SI: variants seen among roughly 807,000 people sequenced by gnomAD.
SI encodes the protein sucrase-isomaltase, also known as sucrase-isomaltase, intestinal.
In SI, 235 loss-of-function variants were observed where a neutral mutation model predicts 253.3. The observed-to-expected ratio is 0.93, with a 90% CI of 0.83 to 1.03. SI has a LOEUF of 1.03. SI is among the 50% of genes least tolerant of loss of function. SI has a pLI of 0.00. For missense variants in SI, 2,442 were observed against 2,211.1 expected (o/e 1.10, Z -2.09); for synonymous variants, 819 against 712.0 (o/e 1.15, Z -2.39).
chr3:165,017,883 C>T lies in SI; in HGVS notation c.3521-10G>A. ...GGCTGGAATGTAACATCTGGAAATCCAAAATAACATCCCATTTTCATCTAT... is the reference window on the plus strand; with the variant it reads ...GGCTGGAATGTAACATCTGGAAATCTAAAATAACATCCCATTTTCATCTAT... On this transcript the variant is annotated splice_polypyrimidine_tract_variant and intron_variant, in intron 29 of 47. Transcript: ENST00000264382. 1 of 1,600,398 alleles carries T rather than the reference C, an allele frequency of 6.2e-7. No homozygotes were observed. The highest frequency in any genetic ancestry group is 8.6e-7 in the Non-Finnish European group (1 of 1,168,134).
At chr3:165,035,752 T>C (rs1480678021) in intron 22 of SI, among the ~76,000 whole-genome samples, 1 of 151,480 alleles carries the variant, frequency 6.6e-6, no homozygotes, top group Non-Finnish European at 1.5e-5. Flanking sequence ...AACGAGATTT[T>C]TCTAAAAAGT....
At chr3:165,053,781 A>G (rs1283916952) in intron 13 of SI, among the ~76,000 whole-genome samples, 1 of 152,070 alleles carries the variant, frequency 6.6e-6, no homozygotes, top group Admixed American at 6.6e-5. Flanking sequence ...TTGTAACTTT[A>G]CCGTAATCAA....
At chr3:165,084,066 T>C in the SI span, among the ~76,000 whole-genome samples, 1 of 151,994 alleles carries the variant, frequency 6.6e-6, no homozygotes, top group Non-Finnish European at 1.5e-5. Context: ...CTATTAGGAA[T>C]TAGGGCTTTT....
At chr3:165,015,670 C>T (rs2108171700) in intron 32 of SI, among the ~76,000 whole-genome samples, 1 of 152,068 alleles carries the variant, frequency 6.6e-6, no homozygotes, top group South Asian at 2.1e-4. Flanking sequence ...TTTGATAACT[C>T]CCATAAATAG....
chr3:165,027,486 G>A (rs1711990106), intron 25 of SI, among the ~76,000 whole-genome samples: 1 of 151,142 alleles, frequency 6.6e-6, no homozygotes, highest in South Asian at 2.1e-4. Flanking sequence ...CCAAAACCAG[G>A]AAAGGACATA....
chr3:165,037,756 T>C, intron 21 of SI, 144 bp downstream of exon 21: 1 of 515,660 alleles, frequency 1.9e-6, no homozygotes, highest in East Asian at 3.1e-5. Flanking sequence ...TTTATAGCTA[T>C]GATGGTTATA....
chr3:165,059,280 A>T lies in SI; in HGVS notation c.1166T>A (p.Ile389Asn), dbSNP rs150428844. 4.4e-5 allele frequency: 71 copies of T among 1,612,430 alleles called. No individual in the cohort carries two copies. The highest frequency in any genetic ancestry group is 1.3e-5 in the African/African-American group (1 of 74,848). The change falls in exon 11 of 48, where the codon ATT (isoleucine) becomes AAT (asparagine). Residue 389 changes from isoleucine (I) to asparagine (N), a missense_variant. Ile to Asn is a moderately radical substitution (Grantham distance 149). Transcript: ENST00000264382. ...GTCTTTCTTGTCTTCCATGTAGTCAATATCAGTGACCTGTGTATCCTGAAA... is the reference window on the plus strand; with the variant it reads ...GTCTTTCTTGTCTTCCATGTAGTCATTATCAGTGACCTGTGTATCCTGAAA... The part of the protein sequence containing the change: ...GIPFDTQVTD[I>N]DYMEDKKDFT...
intron 9 of SI, 57 bp from the exon 10 acceptor site, chr3:165,060,084 A>ACCTTGGTTATTAATGC: frequency 6.7e-7 from 1 of 1,490,026 alleles, no homozygotes; most frequent in Non-Finnish European, 9.3e-7. Context: ...TTTAGCATTA[A>ACCTTGGTTATTAATGC]TAACCAAGGT....
intron 13 of SI, among the ~76,000 whole-genome samples, chr3:165,054,466 G>A (rs1322851712): frequency 6.6e-6 from 1 of 151,840 alleles, no homozygotes; most frequent in Admixed American, 6.6e-5. Context: ...TCCACCTCCC[G>A]GGTTCAAGCA....
Position 164,996,640 on chromosome 3 carries a change from G to A in SI, c.4587C>T (p.Asp1529=). ...SLFGMSYTGA[D]ICGFFNNSEY... Reference sequence around the variant, plus strand: ...CTGAGTTGTTGAAAAAACCACAGATGTCTGCTCCAGTCTAAAATATATTGT... The same window carrying A: ...CTGAGTTGTTGAAAAAACCACAGATATCTGCTCCAGTCTAAAATATATTGT... The change falls in exon 40 of 48, where the codon GAC becomes GAT. Residue 1529 remains aspartate (D), a synonymous_variant. Coordinates refer to ENST00000264382, the MANE Select transcript of SI (RefSeq NM_001041.4). 2 of 1,566,594 alleles carry A rather than the reference G, an allele frequency of 1.3e-6. No homozygotes were observed. The highest frequency in any genetic ancestry group is 1.4e-5 in the African/African-American group (1 of 73,914).
chr3:165,025,684 C>T (rs748755024), intron 25 of SI, among the ~76,000 whole-genome samples: 7 of 151,306 alleles, frequency 4.6e-5, no homozygotes, highest in Non-Finnish European at 1.0e-4. Flanking sequence ...GCGCTGTCTT[C>T]AGCCTCCTTA....
chr3:165,038,226 TA>T (rs1490228289), intron 20 of SI, among the ~76,000 whole-genome samples: 1 of 151,754 alleles, frequency 6.6e-6, no homozygotes. Flanking sequence ...TTCTCAAAAA[TA>T]AAAAAATCAA....
intron 36 of SI, 128 bp downstream of exon 36, chr3:165,007,781 TTA>T: frequency 3.6e-6 from 1 of 277,512 alleles, no homozygotes; most frequent in Non-Finnish European, 6.6e-6. Flanking sequence ...AACTGATTTT[TTA>T]TATATACATA....
At chr3:165,041,306 A>C (rs1190596904) in intron 17 of SI, among the ~76,000 whole-genome samples, 3 of 152,136 alleles carry the variant, frequency 2.0e-5, no homozygotes, top group African/African-American at 4.8e-5. Flanking sequence ...TGAAGTGGAC[A>C]TTTCAACATA....
intron 3 of SI, among the ~76,000 whole-genome samples, chr3:165,073,522 A>T (rs529101363): frequency 1.3e-5 from 2 of 152,062 alleles, no homozygotes; most frequent in Non-Finnish European, 2.9e-5. Context: ...TGTAGGGAAG[A>T]CAGAATAGGG....
chr3:165,056,538 C>T (rs149434762), intron 12 of SI, among the ~76,000 whole-genome samples: 2 of 152,242 alleles, frequency 1.3e-5, no homozygotes, highest in African/African-American at 4.8e-5. Context: ...GGATTGCATA[C>T]ACCACCCCTC....
At chr3:165,060,736 T>G (rs1713942853) in intron 9 of SI, among the ~76,000 whole-genome samples, 1 of 150,058 alleles carries the variant, frequency 6.7e-6, no homozygotes, top group African/African-American at 2.4e-5. Context: ...GTGTTTTTTT[T>G]TTCACCAGTT....
rs776450537 is a variant in SI at position 165,059,901 on chromosome 3, C to A, written c.1146+1G>T. On this transcript the variant is annotated splice_donor_variant, in intron 10 of 47. Transcript: ENST00000264382. LOFTEE classifies it high-confidence loss of function. ...TCCCACGGACCCTTTATTCTACTTACAAATGGTATGCCAGCTTCCCGGTTT... is the reference window on the plus strand; with the variant it reads ...TCCCACGGACCCTTTATTCTACTTAAAAATGGTATGCCAGCTTCCCGGTTT... 6.2e-7 allele frequency: 1 copy of A among 1,611,034 alleles called. No homozygotes were observed. The highest frequency in any genetic ancestry group is 8.5e-7 in the Non-Finnish European group (1 of 1,177,738).
rs563694856 is a variant in SI at position 165,027,375 on chromosome 3, T to A, written c.2892+3337A>T. The stretch of plus-strand genomic sequence containing the variant: ...ATTCATAGCAGAATTTTACCAGAAA[T>A]TCAAAGAATAATTGGTACCAATCTA... On this transcript the variant is annotated intron_variant, in intron 25 of 47. Transcript: ENST00000264382. Among the ~76,000 whole-genome samples the A allele has an allele frequency of 5.0e-4, 75 of 151,292 alleles. 1 individual carries two copies. Among genetic ancestry groups the A allele is most frequent in the African/African-American group, 1.8e-3 (73 of 41,366 alleles).
Sources: allele counts gnomAD v4.1 joint callset (sites outside exome capture counted in the v4.1 genomes callset), GRCh38; gene constraint gnomAD v4.1.1; transcripts MANE v1.5; gene names NCBI Gene and HGNC (gene_info 2026-07-23, HGNC 2026-07-21).